The following C13orf46 variants were observed in gnomAD, a reference collection of about 807,000 sequenced individuals.
The protein encoded by C13orf46 is chromosome 13 open reading frame 46.
At chr13:113,933,554 G>T in the C13orf46 span, among the ~76,000 whole-genome samples, 1 of 152,222 alleles carries the variant, frequency 6.6e-6, no homozygotes, top group African/African-American at 2.4e-5. Context: ...CTGGGATTCT[G>T]ATTGGGATTG....
the C13orf46 span, among the ~76,000 whole-genome samples, chr13:113,937,208 G>T: frequency 6.6e-6 from 1 of 152,190 alleles, no homozygotes; most frequent in South Asian, 2.1e-4. Flanking sequence ...TTTTTGCAAA[G>T]GTGGGTTCAT....
At chr13:113,948,099 A>C in the C13orf46 span, among the ~76,000 whole-genome samples, 1 of 152,220 alleles carries the variant, frequency 6.6e-6, no homozygotes, top group African/African-American at 2.4e-5. Flanking sequence ...GATGGTGTGG[A>C]GTTCTCAAAA....
chr13:113,935,631 C>G, the C13orf46 span, among the ~76,000 whole-genome samples: 189 of 152,340 alleles, frequency 1.2e-3, 2 homozygotes, highest in Non-Finnish European at 9.8e-4. Flanking sequence ...AAGGGCCAAA[C>G]TGGCAGCCAC....
intron 6 of C13orf46, among the ~76,000 whole-genome samples, chr13:113,963,042 G>A (rs990522024): frequency 3.9e-5 from 6 of 152,338 alleles, no homozygotes; most frequent in South Asian, 2.1e-4. Context: ...CGCAGGTAGG[G>A]CTGTCATCAT....
chr13:113,972,117 C>CA (rs1460350133), intron 1 of C13orf46, among the ~76,000 whole-genome samples: 1 of 152,188 alleles, frequency 6.6e-6, no homozygotes, highest in Non-Finnish European at 1.5e-5. Flanking sequence ...CAATGGGGCT[C>CA]AATCCCTCCC....
At chr13:113,965,714 T>C (rs2052629991) in intron 5 of C13orf46, among the ~76,000 whole-genome samples, 2 of 150,738 alleles carry the variant, frequency 1.3e-5, no homozygotes, top group Admixed American at 6.6e-5. Flanking sequence ...ATGGTGATTA[T>C]AATGGTGGTG....
At chr13:113,963,539 TGTCCTCAGCCCTCGCTCCA>T in intron 6 of C13orf46, among the ~76,000 whole-genome samples, 1 of 64,586 alleles carries the variant, frequency 1.5e-5, no homozygotes, top group African/African-American at 4.0e-5. Context: ...GCCTCACCCC[TGTCCTCAGCCCTCGCTCCA>T]GTCCTCAGCC....
chr13:113,973,623 T>C (rs1472807969), intron 1 of C13orf46, among the ~76,000 whole-genome samples, 185 bp downstream of exon 1: 1 of 152,122 alleles, frequency 6.6e-6, no homozygotes, highest in Non-Finnish European at 1.5e-5. Context: ...ATGTATGACG[T>C]CAGGCCGTGC....
the C13orf46 span, among the ~76,000 whole-genome samples, chr13:113,930,853 G>A: frequency 2.0e-5 from 3 of 152,174 alleles, no homozygotes; most frequent in African/African-American, 7.2e-5. Context: ...GGCCCGGGTG[G>A]TCCTGGCGGC....
At chr13:113,945,575 A>AAGAAAGAAAGAAAGAAAG in the C13orf46 span, among the ~76,000 whole-genome samples, 48 of 89,128 alleles carry the variant, frequency 5.4e-4, 1 homozygote, top group African/African-American at 8.0e-4. Context: ...GAAAGAAAGA[A>AAGAAAGAAAGAAAGAAAG]AGAGAGAGAG....
rs2052510699 is a variant in C13orf46, at chr13:113,954,975, GGAGACGAGGAGGAGGATCTGGCA to G, written c.*1775_*1797del. 158 of 164,294 alleles carry G rather than the reference GGAGACGAGGAGGAGGATCTGGCA, an allele frequency of 9.6e-4. 2 individuals are homozygous for G. Among genetic ancestry groups the G allele is most frequent in the Non-Finnish European group, 1.3e-3 (103 of 81,686 alleles). 10.2% of individuals were successfully genotyped at this position (164,294 alleles called of 1,614,324 possible). ...GCGGAGACGAGGAGGAGGATCTGGC[GGAGACGAGGAGGAGGATCTGGCA>G]GAGAGGAGGAGTAGGATCTGGCGGA... On this transcript the variant is annotated 3_prime_UTR_variant, in exon 7 of 7. Coordinates refer to ENST00000636427, the MANE Select transcript of C13orf46 (RefSeq NM_001365455.2).
At position 113,955,776 on chromosome 13, in the gene C13orf46, G is replaced by GAA. The variant is rs2052524384; in HGVS notation, c.*996_*997insTT. On this transcript the variant is annotated 3_prime_UTR_variant, in exon 7 of 7. Coordinates refer to ENST00000636427, the MANE Select transcript of C13orf46 (RefSeq NM_001365455.2). ...GAGGAGGAGCATCCGGCGGAGACGA[G>GAA]GAGCAGCCGGCGGAGACGAGGAGCA... The GAA allele has an allele frequency of 1.5e-5, 2 of 132,628 alleles. No individual in the cohort carries two copies. The highest frequency in any genetic ancestry group is 3.4e-5 in the Non-Finnish European group (2 of 58,708). The allele number at this position is 132,628 out of a possible 1,614,324, so 8.2% of individuals were successfully genotyped here. A position where few individuals can be genotyped will look rare whatever the true frequency, so the allele number is the denominator to read the frequency against.
downstream of C13orf46, among the ~76,000 whole-genome samples, chr13:113,953,178 C>T (rs989561952): frequency 3.9e-5 from 6 of 152,210 alleles, no homozygotes; most frequent in African/African-American, 1.2e-4. Flanking sequence ...TGCTGAGTGC[C>T]CTGAACAGCT....
At chr13:113,947,009 G>A in the C13orf46 span, among the ~76,000 whole-genome samples, 1 of 152,248 alleles carries the variant, frequency 6.6e-6, no homozygotes, top group Non-Finnish European at 1.5e-5. Flanking sequence ...CTCTGGCTGT[G>A]GCCAGCACTG....
rs961210513 is a variant in C13orf46, at chr13:113,963,212, C to T, written c.572+1715G>A. The stretch of plus-strand genomic sequence containing the variant: ...GCCTCAGCCCGTCCTCAGCCTTGCC[C>T]CTGTCCTCAGCCTCGGCCCCTGTCC... On this transcript the variant is annotated intron_variant, in intron 6 of 6. Transcript: ENST00000636427. 2.4e-3 allele frequency among the ~76,000 whole-genome samples: 367 copies of T among 150,214 alleles called. 4 individuals are homozygous for T. Among genetic ancestry groups the T allele is most frequent in the African/African-American group, 8.3e-3 (337 of 40,738 alleles).
At chr13:113,966,181 T>C (rs2052644627) in intron 5 of C13orf46, among the ~76,000 whole-genome samples, 1 of 76,176 alleles carries the variant, frequency 1.3e-5, no homozygotes, top group African/African-American at 9.0e-5. Context: ...GTGATGATGA[T>C]GATGGTGATG....
chr13:113,945,103 G>A, the C13orf46 span, among the ~76,000 whole-genome samples: 1 of 152,118 alleles, frequency 6.6e-6, no homozygotes, highest in Non-Finnish European at 1.5e-5. Context: ...TGTGTGACGG[G>A]CTCTGCAGGT....
chr13:113,958,585 C>A (rs2052561534), intron 6 of C13orf46, among the ~76,000 whole-genome samples: 1 of 152,228 alleles, frequency 6.6e-6, no homozygotes, highest in African/African-American at 2.4e-5. Flanking sequence ...TCTGCATGCG[C>A]CCAGCCCCCG....
chr13:113,952,884 G>A (rs2052494842), downstream of C13orf46, among the ~76,000 whole-genome samples: 1 of 152,350 alleles, frequency 6.6e-6, no homozygotes, highest in South Asian at 2.1e-4. Context: ...GCTGGGCGGG[G>A]CGGCGGGGCA....
Sources: gnomAD v4.1 joint callset for allele counts (sites outside exome capture counted in the v4.1 genomes callset) on GRCh38, gnomAD v4.1.1 for gene constraint, MANE v1.5 for transcripts, NCBI Gene and HGNC (gene_info 2026-07-23, HGNC 2026-07-21) for gene names.